The following EMG1 variants were observed in gnomAD, a reference collection of about 807,000 sequenced individuals.
EMG1 encodes ribosomal RNA small subunit methyltransferase NEP1.
EMG1 carries 24 observed loss-of-function variants against 26.9 expected under a neutral mutation model. The observed-to-expected ratio is 0.89, with a 90% CI of 0.65 to 1.26. EMG1 has a LOEUF of 1.26. EMG1 is among the 50% of genes most tolerant of loss of function. The pLI, the probability that EMG1 is intolerant of heterozygous loss-of-function variation, is 0.00. For missense variants in EMG1, 299 were observed against 307.6 expected (o/e 0.97, Z 0.21); for synonymous variants, 140 against 112.6 (o/e 1.24, Z -1.54).
At chr12:6,971,278 T>C (rs57550230) in intron 1 of EMG1, among the ~76,000 whole-genome samples, 187 bp downstream of exon 1, 31 of 147,006 alleles carry the variant, frequency 2.1e-4, no homozygotes, top group African/African-American at 4.2e-4. Flanking sequence ...TTCTTTCTTT[T>C]TTTTTTTTTT....
chr12:6,992,287 GCCC>G (rs1555155569), downstream of EMG1, among the ~76,000 whole-genome samples: 1 of 151,110 alleles, frequency 6.6e-6, no homozygotes, highest in Non-Finnish European at 1.5e-5. Flanking sequence ...GAGCTGTGAT[GCCC>G]CCACCGCACT....
At position 6,987,758 on chromosome 12, in the gene EMG1, T is replaced by A. The variant is rs368289969; in HGVS notation, c.*155-24T>A. 2.5e-6 allele frequency: 1 copy of A among 400,736 alleles called. No individual in the cohort carries two copies. The allele number at this position is 400,736 out of a possible 1,614,324, so 24.8% of individuals were successfully genotyped here. A position where few individuals can be genotyped will look rare whatever the true frequency, so the allele number is the denominator to read the frequency against. Reference sequence around the variant, plus strand: ...CACATATTACTCTGCCTCTTTAAGTTGAATCTAATTTAACATTTTCTAGGT... The same window carrying A: ...CACATATTACTCTGCCTCTTTAAGTAGAATCTAATTTAACATTTTCTAGGT... On this transcript the variant is annotated intron_variant and NMD_transcript_variant, in intron 6 of 7. Coordinates refer to the EMG1 transcript ENST00000261406. The surrounding 1 kb of genome is among the most constrained non-coding windows in gnomAD (Gnocchi z 4.1).
chr12:6,982,935 T>G (rs1946485657), downstream of EMG1: 1 of 667,192 alleles, frequency 1.5e-6, no homozygotes, highest in Admixed American at 2.5e-5. Context: ...TGGAAATTAT[T>G]TATTAAAATA....
chr12:6,979,529 C>T lies in EMG1; in HGVS notation c.*3720C>T. 1 of 1,614,070 alleles carries T rather than the reference C, an allele frequency of 6.2e-7. No individual in the cohort carries two copies. On this transcript the variant is annotated 3_prime_UTR_variant, in exon 6 of 6. Coordinates refer to ENST00000599672, the MANE Select transcript of EMG1 (RefSeq NM_006331.8). ...GATGTGGGGGCTGAGCAGTGTGTAG[C>T]CCACTAGGTAGAAAAGGCCCAGACT...
downstream of EMG1, chr12:6,983,374 G>C: frequency 1.7e-6 from 2 of 1,206,220 alleles, no homozygotes; most frequent in Non-Finnish European, 2.4e-6. Flanking sequence ...TTTTGTTCAA[G>C]TCTGTTCCTT....
chr12:6,984,170 A>G (rs1946499987), downstream of EMG1, among the ~76,000 whole-genome samples: 2 of 152,360 alleles, frequency 1.3e-5, no homozygotes, highest in South Asian at 4.1e-4. Context: ...TACTCCTCAC[A>G]GTCTGTAATC....
downstream of EMG1, among the ~76,000 whole-genome samples, chr12:6,982,303 T>C (rs988745111): frequency 2.6e-5 from 4 of 152,142 alleles, no homozygotes; most frequent in Non-Finnish European, 4.4e-5. Flanking sequence ...CCTCCCAAGG[T>C]GCTGGGATTA....
intron 1 of EMG1, among the ~76,000 whole-genome samples, chr12:6,971,567 T>G (rs1180309398): frequency 6.6e-6 from 1 of 152,180 alleles, no homozygotes; most frequent in East Asian, 1.9e-4. Context: ...TGAGCCACTG[T>G]GCCCGGCCGG....
In EMG1 at chr12:6,978,866, G is replaced by A; in HGVS notation, c.*3057G>A. 1.2e-6 allele frequency: 1 copy of A among 808,434 alleles called. No homozygotes were observed. Among genetic ancestry groups the A allele is most frequent in the South Asian group, 1.9e-5 (1 of 53,192 alleles). The allele number at this position is 808,434 out of a possible 1,614,324, so 50.1% of individuals were successfully genotyped here. ...CAATAGGCAGAGAGGAATAAGCAGA[G>A]GGCCTGGAGAATATTCATTCGCCTT... On this transcript the variant is annotated 3_prime_UTR_variant, in exon 6 of 6. Coordinates refer to ENST00000599672, the MANE Select transcript of EMG1 (RefSeq NM_006331.8).
rs1398717271 is a variant in EMG1, at chr12:6,987,275, A to G, written c.*155-507A>G. Among the ~76,000 whole-genome samples the G allele has an allele frequency of 9.8e-5, 15 of 152,332 alleles. No individual in the cohort carries two copies. In the East Asian group the frequency reaches 1.9e-3, roughly 20 times the overall value. ...ACCAAGTGTTTAGTAAATGCCTGCT[A>G]TATGCCAGGTATTCTGTTTATGAAG... On this transcript the variant is annotated intron_variant and NMD_transcript_variant, in intron 6 of 7. Transcript: ENST00000261406. The surrounding 1 kb of genome is among the most constrained non-coding windows in gnomAD (Gnocchi z 4.1).
downstream of EMG1, chr12:6,983,155 T>G: frequency 2.1e-6 from 1 of 471,134 alleles, no homozygotes; most frequent in Non-Finnish European, 3.9e-6. Flanking sequence ...CTTGGCTCGG[T>G]CATTCAGTTA....
intron 3 of EMG1, 117 bp downstream of exon 3, chr12:6,974,810 T>G: frequency 9.1e-7 from 1 of 1,096,726 alleles, no homozygotes; most frequent in Non-Finnish European, 1.4e-6. Flanking sequence ...ACAACATGAT[T>G]AATACCAGGA....
chr12:6,981,503 C>T (rs781831847), downstream of EMG1: 38 of 1,270,572 alleles, frequency 3.0e-5, no homozygotes, highest in African/African-American at 2.2e-4. Context: ...GGAGAGGCTC[C>T]GCTCTGGAAT....
chr12:6,990,901 A>G (rs1369133091), downstream of EMG1, among the ~76,000 whole-genome samples: 16 of 143,654 alleles, frequency 1.1e-4, 1 homozygote, highest in Admixed American at 9.7e-4. Flanking sequence ...TAGGCAACAG[A>G]GCGAGACTCC....
Position 6,977,141 on chromosome 12 carries a change from A to G in EMG1, c.*1332A>G, listed in dbSNP as rs1555153324. On this transcript the variant is annotated 3_prime_UTR_variant, in exon 6 of 6. Coordinates refer to ENST00000599672, the MANE Select transcript of EMG1 (RefSeq NM_006331.8). The surrounding 1 kb of genome is among the most constrained non-coding windows in gnomAD (Gnocchi z 4.5). ...TTAGCTGTATTAACTTACCAGGGAA[A>G]TGGATTATTCCATCTTCTTTAACTT... 6.3e-7 allele frequency: 1 copy of G among 1,577,072 alleles called. No individual in the cohort carries two copies. The highest frequency in any genetic ancestry group is 1.3e-5 in the African/African-American group (1 of 74,200).
chr12:6,986,145 TATAGTTGAC>T (rs1946523729), intron 6 of EMG1, among the ~76,000 whole-genome samples: 9 of 152,084 alleles, frequency 5.9e-5, no homozygotes, highest in Non-Finnish European at 1.5e-5. Context: ...TTCATGCAAG[TATAGTTGAC>T]CCTTGATCAA....
downstream of EMG1, chr12:6,983,366 TTGTTCAAGTC>T: frequency 1.9e-6 from 2 of 1,052,238 alleles, no homozygotes; most frequent in South Asian, 2.7e-5. Context: ...CAAGGAAATT[TTGTTCAAGTC>T]TGTTCCTTCC....
intron 6 of EMG1, among the ~76,000 whole-genome samples, chr12:6,984,976 TTAGAA>T (rs1946506962): frequency 6.6e-6 from 1 of 151,906 alleles, no homozygotes; most frequent in African/African-American, 2.4e-5. Flanking sequence ...TCTAAAACGC[TTAGAA>T]TAGTATCATA....
In EMG1 at chr12:6,975,771, C is replaced by T. The variant is rs1252320547; in HGVS notation, c.697C>T (p.Leu233Phe). ...PLSAALTCAK[L>F]TTAFEEVWGV... The stretch of plus-strand genomic sequence containing the variant: ...TTCTGCTGCCCTCACCTGTGCAAAA[C>T]TTACCACAGCCTTTGAGGAAGTATG... Residue 233 changes from leucine (L) to phenylalanine (F), a missense_variant, in exon 6 of 6, where the codon CTT becomes TTT. Leu to Phe is a conservative substitution (Grantham distance 22). Coordinates refer to ENST00000599672, the MANE Select transcript of EMG1 (RefSeq NM_006331.8). 6.2e-7 allele frequency: 1 copy of T among 1,613,108 alleles called. No individual in the cohort carries two copies. The highest frequency in any genetic ancestry group is 8.5e-7 in the Non-Finnish European group (1 of 1,179,184).
Sources: gnomAD v4.1 joint callset for allele counts (sites outside exome capture counted in the v4.1 genomes callset) on GRCh38, gnomAD v4.1.1 for gene constraint, Gnocchi (gnomAD v3.1) non-coding constraint, MANE v1.5 for transcripts, NCBI Gene and HGNC (gene_info 2026-07-23, HGNC 2026-07-21) for gene names.